Variants in ARHGEF28 observed in about 807,000 individuals in gnomAD.
The protein encoded by ARHGEF28 is Rho guanine nucleotide exchange factor 28.
ARHGEF28 carries 152 observed loss-of-function variants against 206.6 expected under a neutral mutation model. That is an observed-to-expected ratio of 0.74 (90% CI 0.64 to 0.84). The LOEUF (loss-of-function observed/expected upper bound fraction) is 0.84. Among genes scored for constraint, ARHGEF28 ranks in the 40% least tolerant of loss-of-function variants. ARHGEF28 has a pLI of 0.00. For synonymous variants in ARHGEF28, 763 were observed against 776.4 expected, an observed-to-expected ratio of 0.98 and a Z score of 0.29; for missense variants, 2,028 against 2,073.2, an observed-to-expected ratio of 0.98 and a Z score of 0.42.
chr5:73,783,830 A>T (rs966166265), intron 7 of ARHGEF28, among the ~76,000 whole-genome samples: 4 of 152,170 alleles, frequency 2.6e-5, no homozygotes, highest in Non-Finnish European at 5.9e-5. Context: ...GGGGCAGCCA[A>T]GTTAATATAC....
intron 1 of ARHGEF28, among the ~76,000 whole-genome samples, chr5:73,640,849 T>A (rs1378552628): frequency 6.6e-6 from 1 of 152,148 alleles, no homozygotes; most frequent in East Asian, 1.9e-4. Flanking sequence ...TTGCAGAGAG[T>A]TATTTAGGAC....
intron 14 of ARHGEF28, among the ~76,000 whole-genome samples, chr5:73,854,088 T>G (rs1424138451): frequency 1.3e-5 from 2 of 152,126 alleles, no homozygotes; most frequent in East Asian, 3.9e-4. Context: ...CCTGAAAGCA[T>G]CTTACTCTCT....
At chr5:73,705,023 A>T (rs763606326) in intron 2 of ARHGEF28, among the ~76,000 whole-genome samples, 82 of 152,324 alleles carry the variant, frequency 5.4e-4, no homozygotes, top group Non-Finnish European at 9.6e-4. Flanking sequence ...AGGTAGATGG[A>T]ACACTTTCAT....
At chr5:73,813,743 C>T (rs1755995219) in intron 9 of ARHGEF28, 1 of 1,470,904 alleles carries the variant, frequency 6.8e-7, no homozygotes, top group South Asian at 1.2e-5. Context: ...TTCCGTGTTT[C>T]TTTGCCAGAC....
intron 35 of ARHGEF28, among the ~76,000 whole-genome samples, chr5:73,931,002 C>G (rs1454813860): frequency 2.0e-5 from 3 of 152,168 alleles, no homozygotes; most frequent in Non-Finnish European, 2.9e-5. Flanking sequence ...TTTGGTTGGA[C>G]ATATCTCCAG....
chr5:73,743,703 G>A (rs932590543), intron 2 of ARHGEF28, among the ~76,000 whole-genome samples: 1 of 152,084 alleles, frequency 6.6e-6, no homozygotes, highest in Non-Finnish European at 1.5e-5. Context: ...CATGTTCTTT[G>A]TGTACTCTTC....
intron 23 of ARHGEF28, among the ~76,000 whole-genome samples, chr5:73,883,218 C>G (rs557457794): frequency 4.7e-4 from 72 of 152,078 alleles, no homozygotes; most frequent in Middle Eastern, 3.4e-3. Flanking sequence ...ATAAAGTTTC[C>G]TGGATTCTAA....
intron 35 of ARHGEF28, among the ~76,000 whole-genome samples, chr5:73,935,275 T>A (rs1764356141): frequency 6.6e-6 from 1 of 152,158 alleles, no homozygotes; most frequent in Non-Finnish European, 1.5e-5. Flanking sequence ...CACAAACACA[T>A]GCCCACCCCA....
At chr5:73,881,351 AG>A (rs574942130) in intron 22 of ARHGEF28, among the ~76,000 whole-genome samples, 132 of 152,332 alleles carry the variant, frequency 8.7e-4, no homozygotes, top group Non-Finnish European at 1.6e-3. Flanking sequence ...GATTTTGTTA[AG>A]AATTGTACTA....
At chr5:73,681,628 A>G (rs924173497) in intron 1 of ARHGEF28, among the ~76,000 whole-genome samples, 1 of 151,994 alleles carries the variant, frequency 6.6e-6, no homozygotes, top group African/African-American at 2.4e-5. Flanking sequence ...AATCCTGGCC[A>G]ACATAGTGAA....
chr5:73,840,873 T>C (rs923779500), intron 11 of ARHGEF28, 113 bp downstream of exon 11: 1 of 1,190,886 alleles, frequency 8.4e-7, no homozygotes, highest in African/African-American at 1.5e-5. Context: ...TATTTGCCCA[T>C]CAAAATGTCC....
chr5:73,912,710 G>A (rs563700804), intron 35 of ARHGEF28, among the ~76,000 whole-genome samples: 10 of 152,208 alleles, frequency 6.6e-5, no homozygotes, highest in South Asian at 2.1e-4. Context: ...TGATGGAATC[G>A]TTCAGATTAA....
rs574759000 is a variant in ARHGEF28, at chr5:73,860,880, G to A, written c.2047+2661G>A. ...CTTCAGCCTCAGTTTACAGTCTGAG[G>A]CCCCACCAGTTCCGTTGCCCTTTCC... On this transcript the variant is annotated intron_variant, in intron 16 of 35. Coordinates refer to ENST00000513042, the MANE Select transcript of ARHGEF28 (RefSeq NM_001177693.2). 1.3e-4 allele frequency among the ~76,000 whole-genome samples: 20 copies of A among 152,138 alleles called. No individual in the cohort carries two copies. In the South Asian group the frequency reaches 4.0e-3, roughly 30 times the overall value.
At position 73,872,911 on chromosome 5, in the gene ARHGEF28, C is replaced by T. The variant is rs1032214201; in HGVS notation, c.2567-88C>T. On this transcript the variant is annotated intron_variant, in intron 21 of 35. Coordinates refer to ENST00000513042, the MANE Select transcript of ARHGEF28 (RefSeq NM_001177693.2). ...AAACATTTCTTTTTTATTTGCGTAA[C>T]ATATAGTGTTGAGTTACTAATTTAG... 9 of 1,419,824 alleles carry T rather than the reference C, an allele frequency of 6.3e-6. No individual in the cohort carries two copies. The African/African-American group carries it at 1.0e-4, about 16-fold the overall frequency. The allele number at this position is 1,419,824 out of a possible 1,614,324, so 88.0% of individuals were successfully genotyped here. A position where few individuals can be genotyped will look rare whatever the true frequency, so the allele number is the denominator to read the frequency against.
intron 2 of ARHGEF28, among the ~76,000 whole-genome samples, chr5:73,734,792 T>C (rs1409977874): frequency 6.6e-6 from 1 of 152,160 alleles, no homozygotes; most frequent in Non-Finnish European, 1.5e-5. Flanking sequence ...TACTTCTGTT[T>C]TTTCTTTTTC....
At chr5:73,872,917 G>A (rs1760199488) in intron 21 of ARHGEF28, 82 bp from the exon 22 acceptor site, 2 of 1,472,550 alleles carry the variant, frequency 1.4e-6, no homozygotes, top group Non-Finnish European at 1.9e-6. Context: ...GTAACATATA[G>A]TGTTGAGTTA....
At chr5:73,834,693 T>G (rs905858719) in intron 10 of ARHGEF28, among the ~76,000 whole-genome samples, 9 of 152,164 alleles carry the variant, frequency 5.9e-5, no homozygotes, top group African/African-American at 2.2e-4. Context: ...GTACTTTTTC[T>G]ATATTTAGAT....
At chr5:73,787,097 A>C (rs1379246214) in intron 7 of ARHGEF28, among the ~76,000 whole-genome samples, 1 of 152,242 alleles carries the variant, frequency 6.6e-6, no homozygotes, top group Non-Finnish European at 1.5e-5. Flanking sequence ...GAGACACTCT[A>C]GCTCAAGGGC....
rs78981826 is a variant in ARHGEF28 at position 73,931,157 on chromosome 5, T to A, written c.4949-9687T>A. 3.3e-3 allele frequency among the ~76,000 whole-genome samples: 510 copies of A among 152,358 alleles called. 2 individuals are homozygous for A. The highest frequency in any genetic ancestry group is 0.02 in the East Asian group (105 of 5,186). ...ATTCTAGAATACAAAACTATTTTCC[T>A]CCAGCCTGTTGCCAAGGGTTTGACT... On this transcript the variant is annotated intron_variant, in intron 35 of 35. Coordinates refer to ENST00000513042, the MANE Select transcript of ARHGEF28 (RefSeq NM_001177693.2).
Sources: gnomAD v4.1 joint callset for allele counts (sites outside exome capture counted in the v4.1 genomes callset) on GRCh38, gnomAD v4.1.1 for gene constraint, MANE v1.5 for transcripts, NCBI Gene and HGNC (gene_info 2026-07-23, HGNC 2026-07-21) for gene names.